The following KIRREL3 variants were observed in gnomAD, a reference collection of about 807,000 sequenced individuals.
KIRREL3 encodes the protein kirre like nephrin family adhesion molecule 3.
Under a neutral mutation model 89.7 loss-of-function variants are expected in KIRREL3, and 36 were observed. The ratio of observed to expected loss-of-function variants is 0.40; its 90% CI spans 0.31 to 0.53. The LOEUF (loss-of-function observed/expected upper bound fraction) is 0.53, where lower values mean the gene tolerates loss of function less well. Among genes scored for constraint, KIRREL3 ranks in the 20% least tolerant of loss-of-function variants. The probability of loss-of-function intolerance (pLI) is 0.49; values close to 1 mark genes in which losing one functional copy is unlikely to be tolerated. For synonymous variants in KIRREL3, 445 were observed against 441.4 expected, an observed-to-expected ratio of 1.01 and a Z score of -0.10; for missense variants, 864 against 1,056.6, an observed-to-expected ratio of 0.82 and a Z score of 2.53.
chr11:126,933,661 A>G (rs1592399717), intron 1 of KIRREL3, among the ~76,000 whole-genome samples: 3 of 152,090 alleles, frequency 2.0e-5, no homozygotes, highest in African/African-American at 4.8e-5. Context: ...AAATCATCCA[A>G]AAATGGAATT....
At position 126,601,348 on chromosome 11, in the gene KIRREL3, C is replaced by A. The variant is rs534007596; in HGVS notation, c.56-38436G>T. ...TGGGTTTTGCAGCTCAGCCCTGGGC[C>A]TGCTAATGCCCTGAGGCGATGGGAA... On this transcript the variant is annotated intron_variant, in intron 1 of 16. Transcript: ENST00000525144. The surrounding 1 kb of genome is among the most constrained non-coding windows in gnomAD (Gnocchi z 5.8). Among the ~76,000 whole-genome samples the A allele has an allele frequency of 6.6e-6, 1 of 152,290 alleles. No individual in the cohort carries two copies. The highest frequency in any genetic ancestry group is 2.4e-5 in the African/African-American group (1 of 41,540).
rs183387734 is a variant in KIRREL3, at chr11:126,892,409, C to T, written c.55+108046G>A. 1.3e-5 allele frequency among the ~76,000 whole-genome samples: 2 copies of T among 152,160 alleles called. No homozygotes were observed. The highest frequency in any genetic ancestry group is 2.9e-5 in the Non-Finnish European group (2 of 67,998). On this transcript the variant is annotated intron_variant, in intron 1 of 16. Transcript: ENST00000525144. The surrounding 1 kb of genome is among the most constrained non-coding windows in gnomAD (Gnocchi z 5.4). Reference sequence around the variant, plus strand: ...TTTTATGACTCGATTTTAATCTGTACCATTTAGGATATGCTCAGGAGGGGC... The same window carrying T: ...TTTTATGACTCGATTTTAATCTGTATCATTTAGGATATGCTCAGGAGGGGC...
intron 1 of KIRREL3, among the ~76,000 whole-genome samples, chr11:126,597,967 A>G (rs1383461365): frequency 6.6e-6 from 1 of 152,218 alleles, no homozygotes; most frequent in Non-Finnish European, 1.5e-5. Context: ...GAGAGCAAAG[A>G]CCTGTGCCTG....
chr11:126,798,689 C>T (rs1038168924), intron 1 of KIRREL3, among the ~76,000 whole-genome samples: 1 of 152,114 alleles, frequency 6.6e-6, no homozygotes, highest in Admixed American at 6.5e-5. Flanking sequence ...CTTTTGATTT[C>T]TAAGGTTCTA....
intron 1 of KIRREL3, among the ~76,000 whole-genome samples, chr11:126,792,792 T>A (rs1239279662): frequency 1.3e-5 from 2 of 152,114 alleles, no homozygotes; most frequent in African/African-American, 4.8e-5. Context: ...CTTAATCCAG[T>A]TTTATAAAGC....
At chr11:126,547,267 T>A (rs1938880809) in intron 2 of KIRREL3, among the ~76,000 whole-genome samples, 1 of 152,238 alleles carries the variant, frequency 6.6e-6, no homozygotes. Context: ...GTTTGGGAAC[T>A]CTGTGAGTCA....
rs141825363 is a variant in KIRREL3 at position 126,994,196 on chromosome 11, C to CGT, written c.55+6257_55+6258dup. Among the ~76,000 whole-genome samples the CGT allele has an allele frequency of 0.042, 6,340 of 151,340 alleles. 224 individuals carry two copies. The highest frequency in any genetic ancestry group is 0.089 in the African/African-American group (3,679 of 41,266). On this transcript the variant is annotated intron_variant, in intron 1 of 16. Transcript: ENST00000525144. This position sits in a 1 kb window ranked among gnomAD's most constrained non-coding sequence, Gnocchi z 5.2. Reference sequence around the variant, plus strand: ...CTGATTTAACATTAAGTGGTGTGTGCGTGTGTGTGTGTGTATGTGTTCAGT... The same window carrying CGT: ...CTGATTTAACATTAAGTGGTGTGTGCGTGTGTGTGTGTGTGTATGTGTTCAGT...
At position 126,750,349 on chromosome 11, in the gene KIRREL3, T is replaced by C. The variant is rs1949294012; in HGVS notation, c.56-187437A>G. Among the ~76,000 whole-genome samples the C allele has an allele frequency of 6.6e-6, 1 of 152,150 alleles. No homozygotes were observed. The highest frequency in any genetic ancestry group is 2.1e-4 in the South Asian group (1 of 4,830). On this transcript the variant is annotated intron_variant, in intron 1 of 16. Coordinates refer to ENST00000525144, the MANE Select transcript of KIRREL3 (RefSeq NM_032531.4). The surrounding 1 kb of genome is among the most constrained non-coding windows in gnomAD (Gnocchi z 4.2). Reference sequence around the variant, plus strand: ...GATGTTCTCAACTATGGCACTCTGGTTGTAAATATGTTTGATGCTCCTACG... The same window carrying C: ...GATGTTCTCAACTATGGCACTCTGGCTGTAAATATGTTTGATGCTCCTACG...
chr11:126,435,548 G>A (rs184853125), intron 12 of KIRREL3, among the ~76,000 whole-genome samples: 69 of 149,410 alleles, frequency 4.6e-4, no homozygotes, highest in African/African-American at 1.7e-3. Flanking sequence ...GAGGGTTGGG[G>A]TGAGAACACT....
chr11:126,845,837 G>A (rs1044506010), intron 1 of KIRREL3, among the ~76,000 whole-genome samples: 4 of 152,156 alleles, frequency 2.6e-5, no homozygotes, highest in Admixed American at 2.6e-4. Context: ...TTTTAAAAGA[G>A]TGCTATAGTT....
At position 126,870,907 on chromosome 11, in the gene KIRREL3, C is replaced by A. The variant is rs561851952; in HGVS notation, c.55+129548G>T. 2.4e-3 allele frequency among the ~76,000 whole-genome samples: 370 copies of A among 152,122 alleles called. No individual in the cohort carries two copies. The highest frequency in any genetic ancestry group is 8.7e-3 in the African/African-American group (362 of 41,502). On this transcript the variant is annotated intron_variant, in intron 1 of 16. Transcript: ENST00000525144. The surrounding 1 kb of genome is among the most constrained non-coding windows in gnomAD (Gnocchi z 4.4). ...CCCTGCACAGAAATTTTCTGCCTAC[C>A]TTACAGAAAGACTGGACCAAAACTG... is the stretch of plus-strand genomic sequence containing the variant.
At chr11:126,473,491 C>A in intron 4 of KIRREL3, 25 bp from the exon 5 acceptor site, 1 of 1,511,670 alleles carries the variant, frequency 6.6e-7, no homozygotes, top group Non-Finnish European at 9.0e-7. Flanking sequence ...GCAGTGAGGT[C>A]AGGCCGAGGC....
Position 126,643,398 on chromosome 11 carries a change from A to C in KIRREL3, c.56-80486T>G, listed in dbSNP as rs1591863747. Among the ~76,000 whole-genome samples, 1 of 152,212 alleles carries C rather than the reference A, an allele frequency of 6.6e-6. No individual in the cohort carries two copies. Among genetic ancestry groups the C allele is most frequent in the East Asian group, 1.9e-4 (1 of 5,208 alleles). ...AAATTTACAGGAAGGATGGAATTTG[A>C]GATGGTCTTGAAGAGGATTTTAACA... On this transcript the variant is annotated intron_variant, in intron 1 of 16. Coordinates refer to ENST00000525144, the MANE Select transcript of KIRREL3 (RefSeq NM_032531.4). The surrounding 1 kb of genome is among the most constrained non-coding windows in gnomAD (Gnocchi z 4.5).
At chr11:126,762,847 C>T (rs1175820720) in intron 1 of KIRREL3, among the ~76,000 whole-genome samples, 3 of 152,166 alleles carry the variant, frequency 2.0e-5, no homozygotes, top group Admixed American at 6.5e-5. Context: ...CTATCTGTGG[C>T]TTAATGCCAA....
intron 1 of KIRREL3, among the ~76,000 whole-genome samples, chr11:126,775,684 A>T (rs1950150303): frequency 6.6e-6 from 1 of 152,172 alleles, no homozygotes; most frequent in African/African-American, 2.4e-5. Flanking sequence ...CCTTTGATGT[A>T]CCACATACTG....
chr11:126,714,156 C>T (rs547077426), intron 1 of KIRREL3, among the ~76,000 whole-genome samples: 3 of 152,274 alleles, frequency 2.0e-5, no homozygotes. Context: ...GTCAGTGCCT[C>T]CCTCAATTTT....
rs1947239528 is a variant in KIRREL3 at position 126,920,757 on chromosome 11, C to T, written c.55+79698G>A. Among the ~76,000 whole-genome samples the T allele has an allele frequency of 1.3e-5, 2 of 152,210 alleles. 1 individual carries two copies. The highest frequency in any genetic ancestry group is 1.3e-4 in the Admixed American group (2 of 15,280). ...GCTCAGACTCCATGGTCCATCACTT[C>T]AACCTTGTAGTTACATCCTCGTCCT... On this transcript the variant is annotated intron_variant, in intron 1 of 16. Transcript: ENST00000525144.
At chr11:126,457,243 ATG>A (rs377404773) in intron 6 of KIRREL3, among the ~76,000 whole-genome samples, 52 of 116,292 alleles carry the variant, frequency 4.5e-4, no homozygotes, top group African/African-American at 2.2e-3. Context: ...GTGTATATGT[ATG>A]TGTGTGTATG....
chr11:126,848,919 G>T (rs531694689), intron 1 of KIRREL3, among the ~76,000 whole-genome samples: 1 of 152,134 alleles, frequency 6.6e-6, no homozygotes, highest in African/African-American at 2.4e-5. Flanking sequence ...ATGGATCTTC[G>T]TTCCTCTACA....
Sources: allele counts gnomAD v4.1 joint callset (sites outside exome capture counted in the v4.1 genomes callset), GRCh38; gene constraint gnomAD v4.1.1; non-coding constraint Gnocchi (gnomAD v3.1); transcripts MANE v1.5; gene names NCBI Gene and HGNC (gene_info 2026-07-23, HGNC 2026-07-21).